The following MALRD1 variants were observed in gnomAD, a reference collection of about 807,000 sequenced individuals.
The protein encoded by MALRD1 is MAM and LDL-receptor class A domain-containing protein 1.
In MALRD1, 247 loss-of-function variants were observed where a neutral mutation model predicts 242.1. That is an observed-to-expected ratio of 1.02 (90% CI 0.92 to 1.13). MALRD1 has a LOEUF of 1.13. MALRD1 is among the 50% of genes most tolerant of loss of function. The pLI, the probability that MALRD1 is intolerant of heterozygous loss-of-function variation, is 0.00. For synonymous variants in MALRD1, 995 were observed against 866.6 expected, an observed-to-expected ratio of 1.15 and a Z score of -2.60; for missense variants, 2,989 against 2,533.1, an observed-to-expected ratio of 1.18 and a Z score of -3.86.
rs531835393 is a variant in MALRD1 at position 19,590,081 on chromosome 10, A to G, written c.5681-5113A>G. Among the ~76,000 whole-genome samples the G allele has an allele frequency of 2.6e-5, 4 of 152,160 alleles. No individual in the cohort carries two copies. In the South Asian group the frequency reaches 6.2e-4, roughly 24 times the overall value. On this transcript the variant is annotated intron_variant, in intron 33 of 39. Coordinates refer to ENST00000454679, the MANE Select transcript of MALRD1 (RefSeq NM_001142308.3). ...ACTGGGCATAGTAAGAAATGGACCAATGTGCTTTATCAAGACACAGTACAT... is the reference window on the plus strand; with the variant it reads ...ACTGGGCATAGTAAGAAATGGACCAGTGTGCTTTATCAAGACACAGTACAT...
chr10:19,450,707 G>C (rs1835274943), intron 29 of MALRD1, among the ~76,000 whole-genome samples: 1 of 152,190 alleles, frequency 6.6e-6, no homozygotes, highest in Non-Finnish European at 1.5e-5. Flanking sequence ...GCCATAAGCT[G>C]GGTAGCATAT....
rs1299909995 is a variant in MALRD1, at chr10:19,692,571, G to C, written c.6314+17G>C. The C allele has an allele frequency of 1.3e-6, 2 of 1,515,480 alleles. No homozygotes were observed. The highest frequency in any genetic ancestry group is 4.0e-5 in the Admixed American group (2 of 49,740). 93.9% of individuals were successfully genotyped at this position (1,515,480 alleles called of 1,614,324 possible). On this transcript the variant is annotated intron_variant, in intron 38 of 39. Transcript: ENST00000454679. ...ACCAATAAGGTAAGTGATGCCTTTA[G>C]TTGCTAAATGAAATATACCGTAGCA...
At chr10:19,140,761 G>A (rs906582464) in intron 10 of MALRD1, among the ~76,000 whole-genome samples, 1 of 152,142 alleles carries the variant, frequency 6.6e-6, no homozygotes, top group African/African-American at 2.4e-5. Flanking sequence ...GAAACAGAGA[G>A]TAGAATGGCA....
At chr10:19,071,212 G>A (rs1835136645) in intron 2 of MALRD1, among the ~76,000 whole-genome samples, 1 of 151,756 alleles carries the variant, frequency 6.6e-6, no homozygotes, top group African/African-American at 2.4e-5. Flanking sequence ...ATTCCTCTAG[G>A]CTTAGCTGCT....
Position 19,238,460 on chromosome 10 carries a change from T to C in MALRD1, c.2992-19224T>C, listed in dbSNP as rs1838545032. ...TATATAATATACATTATATATAATA[T>C]ATAATATAATATATAATATACATTA... On this transcript the variant is annotated intron_variant, in intron 18 of 39. Transcript: ENST00000454679. Among the ~76,000 whole-genome samples the C allele has an allele frequency of 6.4e-5, 3 of 46,746 alleles. No homozygotes were observed. In the South Asian group the frequency reaches 1.7e-3, roughly 26 times the overall value. The allele number at this position is 46,746 out of a possible 152,430, so 30.7% of individuals were successfully genotyped here. A position where few individuals can be genotyped will look rare whatever the true frequency, so the allele number is the denominator to read the frequency against.
intron 33 of MALRD1, among the ~76,000 whole-genome samples, chr10:19,576,596 T>G (rs1010564828): frequency 2.0e-5 from 3 of 152,210 alleles, no homozygotes; most frequent in African/African-American, 7.2e-5. Context: ...TTTCTTATTC[T>G]TTAGTACACC....
At chr10:19,597,831 A>T (rs1187942706) in intron 34 of MALRD1, among the ~76,000 whole-genome samples, 1 of 152,212 alleles carries the variant, frequency 6.6e-6, no homozygotes, top group East Asian at 1.9e-4. Flanking sequence ...TTTTCACAAG[A>T]GTAGTGATTA....
intron 14 of MALRD1, among the ~76,000 whole-genome samples, chr10:19,191,980 C>A (rs1835995133): frequency 1.3e-5 from 2 of 150,984 alleles, no homozygotes; most frequent in South Asian, 2.1e-4. Flanking sequence ...CCAGCCTGGG[C>A]AATAGAGCAA....
chr10:19,530,354 A>ATAT (rs1180200776), intron 31 of MALRD1, among the ~76,000 whole-genome samples: 4 of 90,392 alleles, frequency 4.4e-5, no homozygotes, highest in African/African-American at 2.4e-4. Flanking sequence ...ATAAATATAT[A>ATAT]ATATTTATAT....
At chr10:19,505,059 G>A (rs1449365340) in intron 31 of MALRD1, among the ~76,000 whole-genome samples, 3 of 152,080 alleles carry the variant, frequency 2.0e-5, no homozygotes, top group Non-Finnish European at 2.9e-5. Context: ...GAGAAGATGA[G>A]GGAGGAGCTG....
At chr10:19,608,819 A>C (rs1838754935) in intron 35 of MALRD1, among the ~76,000 whole-genome samples, 1 of 152,118 alleles carries the variant, frequency 6.6e-6, no homozygotes, top group Non-Finnish European at 1.5e-5. Flanking sequence ...GTACAAAAGC[A>C]AATGAAAAAG....
chr10:19,718,885 G>T (rs931137249), intron 38 of MALRD1, among the ~76,000 whole-genome samples: 1 of 151,672 alleles, frequency 6.6e-6, no homozygotes. Flanking sequence ...TGTGCTGTTA[G>T]GCCAGGCATG....
chr10:19,415,088 T>G (rs761637601), intron 28 of MALRD1, among the ~76,000 whole-genome samples: 91 of 152,164 alleles, frequency 6.0e-4, no homozygotes, highest in Non-Finnish European at 1.1e-3. Context: ...CTTTTGAAAT[T>G]AAAACAATAG....
At chr10:19,399,773 T>C (rs1846752426) in intron 28 of MALRD1, among the ~76,000 whole-genome samples, 1 of 152,194 alleles carries the variant, frequency 6.6e-6, no homozygotes, top group African/African-American at 2.4e-5. Flanking sequence ...TAAAGAAATA[T>C]TTAGACTTAC....
intron 28 of MALRD1, among the ~76,000 whole-genome samples, chr10:19,446,676 C>G (rs969638895): frequency 2.0e-5 from 3 of 152,128 alleles, no homozygotes; most frequent in Non-Finnish European, 2.9e-5. Context: ...AAGTTCCATG[C>G]ATATACTATA....
intron 1 of MALRD1, among the ~76,000 whole-genome samples, chr10:19,049,469 T>C (rs1834421689): frequency 6.6e-6 from 1 of 152,200 alleles, no homozygotes; most frequent in African/African-American, 2.4e-5. Flanking sequence ...AGCTGTAAAA[T>C]GCTATGATGG....
chr10:19,592,391 A>G (rs1241125780), intron 33 of MALRD1, among the ~76,000 whole-genome samples: 8 of 152,208 alleles, frequency 5.3e-5, no homozygotes, highest in Non-Finnish European at 1.2e-4. Context: ...GGGCCATCTT[A>G]TCTCCAACTC....
At chr10:19,130,090 A>G (rs1564411186) in intron 8 of MALRD1, among the ~76,000 whole-genome samples, 1 of 151,992 alleles carries the variant, frequency 6.6e-6, no homozygotes, top group Non-Finnish European at 1.5e-5. Context: ...GTTTCTTGCA[A>G]TAGTACTTTG....
intron 36 of MALRD1, among the ~76,000 whole-genome samples, chr10:19,637,958 A>C (rs1347914281): frequency 6.6e-6 from 1 of 151,712 alleles, no homozygotes; most frequent in Non-Finnish European, 1.5e-5. Flanking sequence ...AAAATTAGCC[A>C]GGTGTGGTGG....
Sources: allele counts gnomAD v4.1 joint callset (sites outside exome capture counted in the v4.1 genomes callset), GRCh38; gene constraint gnomAD v4.1.1; transcripts MANE v1.5; gene names NCBI Gene and HGNC (gene_info 2026-07-23, HGNC 2026-07-21).